CHD2: variants seen among roughly 807,000 people sequenced by gnomAD.
The protein encoded by CHD2 is ATP-dependent chromatin remodeler CHD2.
CHD2 carries 28 observed loss-of-function variants against 243.9 expected under a neutral mutation model. The ratio of observed to expected loss-of-function variants is 0.11; its 90% CI spans 0.09 to 0.16. The LOEUF (loss-of-function observed/expected upper bound fraction) is 0.16, where lower values mean the gene tolerates loss of function less well. Among genes scored for constraint, CHD2 ranks in the 10% least tolerant of loss-of-function variants. The pLI is 1.00. For synonymous variants in CHD2, 775 were observed against 779.0 expected (o/e 0.99, Z 0.09); for missense variants, 1,386 against 2,209.8 (o/e 0.63, Z 7.47).
intron 2 of CHD2, chr15:92,902,552 T>TA (rs2052544088): frequency 5.6e-6 from 1 of 178,110 alleles, no homozygotes. Context: ...TTTATTTGAC[T>TA]GAAAGCATAT....
chr15:92,997,329 C>T lies in CHD2; in HGVS notation c.3811C>T (p.Leu1271=). The T allele has an allele frequency of 6.2e-7, 1 of 1,613,352 alleles. No individual in the cohort carries two copies. The highest frequency in any genetic ancestry group is 8.5e-7 in the Non-Finnish European group (1 of 1,179,764). Reference sequence around the variant, plus strand: ...GGTGGAAGATGATTCTCGCCTGTTGCTGGGGATTTATGAACATGGCTATGG... The same window carrying T: ...GGTGGAAGATGATTCTCGCCTGTTGTTGGGGATTTATGAACATGGCTATGG... ...WGVEDDSRLL[L]GIYEHGYGNW... Residue 1271 remains leucine, a synonymous_variant, in exon 30 of 39, where the codon CTG becomes TTG. Transcript: ENST00000394196. The surrounding 1 kb of genome is among the most constrained non-coding windows in gnomAD (Gnocchi z 4.1).
intron 7 of CHD2, among the ~76,000 whole-genome samples, chr15:92,940,925 T>TAAATATATATA (rs2053364125): frequency 7.2e-6 from 1 of 138,086 alleles, no homozygotes; most frequent in Non-Finnish European, 1.5e-5. Context: ...AATATACATA[T>TAAATATATATA]AAATATATAT....
intron 2 of CHD2, among the ~76,000 whole-genome samples, chr15:92,903,414 A>G (rs2052558345): frequency 1.3e-5 from 2 of 152,236 alleles, no homozygotes; most frequent in Non-Finnish European, 2.9e-5. Context: ...TTACTTTAGT[A>G]TCTGGAAAGA....
At position 92,997,446 on chromosome 15, in the gene CHD2, G is replaced by A. The variant is rs1218910371; in HGVS notation, c.3885+43G>A. 6.7e-7 allele frequency: 1 copy of A among 1,491,686 alleles called. No homozygotes were observed. Among genetic ancestry groups the A allele is most frequent in the East Asian group, 2.3e-5 (1 of 42,686 alleles). 92.4% of individuals were successfully genotyped at this position (1,491,686 alleles called of 1,614,324 possible). On this transcript the variant is annotated intron_variant, in intron 30 of 38. Coordinates refer to ENST00000394196, the MANE Select transcript of CHD2 (RefSeq NM_001271.4). The surrounding 1 kb of genome is among the most constrained non-coding windows in gnomAD (Gnocchi z 4.1). ...GCTAGAGATTTCTAGAAGATTTGTT[G>A]TGTAATATTTTTATATCGATTACTT... is the stretch of plus-strand genomic sequence containing the variant.
At chr15:92,961,329 G>T (rs543600562) in intron 16 of CHD2, among the ~76,000 whole-genome samples, 1 of 152,138 alleles carries the variant, frequency 6.6e-6, no homozygotes, top group East Asian at 1.9e-4. Context: ...GTCTTTCTAA[G>T]AGTTAGTCTG....
intron 37 of CHD2, among the ~76,000 whole-genome samples, chr15:93,018,829 C>T (rs904434446): frequency 2.6e-5 from 4 of 152,188 alleles, no homozygotes; most frequent in Admixed American, 1.3e-4. Flanking sequence ...GGATGCCTGT[C>T]CTGGAATTTG....
chr15:92,967,184 T>G, intron 16 of CHD2, 141 bp from the exon 17 acceptor site: 1 of 595,096 alleles, frequency 1.7e-6, no homozygotes. Context: ...ACTTTTCCCC[T>G]TTTTGTTTTC....
chr15:92,957,938 T>A (rs552173065), intron 16 of CHD2, among the ~76,000 whole-genome samples: 1 of 152,324 alleles, frequency 6.6e-6, no homozygotes, highest in South Asian at 2.1e-4. Context: ...TGTTTCCGGC[T>A]TCCTTCACTT....
chr15:93,009,147 T>G lies in CHD2; in HGVS notation c.4416T>G (p.Cys1472Trp). 1 of 1,613,892 alleles carries G rather than the reference T, an allele frequency of 6.2e-7. No homozygotes were observed. The highest frequency in any genetic ancestry group is 8.5e-7 in the Non-Finnish European group (1 of 1,179,924). The change falls in exon 35 of 39, where the codon TGT becomes TGG. Residue 1472 changes from cysteine (C) to tryptophan (W), a missense_variant and splice_region_variant. Around this residue, in one of 19 missense-constraint regions of CHD2, gnomAD observed 22 missense variants for 60.2 expected, o/e 0.37. Coordinates refer to ENST00000394196, the MANE Select transcript of CHD2 (RefSeq NM_001271.4). ...DDLDQETFSICKERMRPVKKA... is the reference protein window; with the variant it reads ...DDLDQETFSIWKERMRPVKKA... ...TTTACTCTGTTGTCCTGTTGCAGTG[T>G]AAGGAGAGGATGAGGCCCGTGAAAA...
chr15:93,014,429 C>T (rs1246896157), intron 36 of CHD2, among the ~76,000 whole-genome samples: 1 of 152,218 alleles, frequency 6.6e-6, no homozygotes, highest in African/African-American at 2.4e-5. Flanking sequence ...ACACCATACC[C>T]TGTACAGTGA....
intron 34 of CHD2, 140 bp from the exon 35 acceptor site, chr15:93,009,005 T>A: frequency 1.1e-6 from 1 of 892,754 alleles, no homozygotes; most frequent in Non-Finnish European, 1.7e-6. Flanking sequence ...CTTACTCCAC[T>A]GCACTAGCTT....
At chr15:92,916,490 C>G (rs117263209) in intron 2 of CHD2, among the ~76,000 whole-genome samples, 1 of 152,196 alleles carries the variant, frequency 6.6e-6, no homozygotes, top group Non-Finnish European at 1.5e-5. Context: ...TTATTTGCCT[C>G]GTCCTATACA....
chr15:93,005,519 C>T (rs763794138), intron 34 of CHD2, among the ~76,000 whole-genome samples: 3 of 152,020 alleles, frequency 2.0e-5, no homozygotes, highest in South Asian at 4.2e-4. Flanking sequence ...ATTAATCAAA[C>T]GGCTCATTCA....
intron 33 of CHD2, among the ~76,000 whole-genome samples, chr15:93,003,488 A>G (rs544265203): frequency 1.7e-3 from 263 of 152,192 alleles, no homozygotes; most frequent in African/African-American, 6.1e-3. Flanking sequence ...TAAAAAAATA[A>G]AAAAAGAGCA....
At chr15:92,917,803 ACT>A (rs1453814968) in intron 2 of CHD2, among the ~76,000 whole-genome samples, 1 of 152,064 alleles carries the variant, frequency 6.6e-6, no homozygotes, top group African/African-American at 2.4e-5. Flanking sequence ...ACACACACAC[ACT>A]CTTGGGCTTT....
At chr15:93,005,716 T>C (rs1206732786) in intron 34 of CHD2, among the ~76,000 whole-genome samples, 1 of 152,194 alleles carries the variant, frequency 6.6e-6, no homozygotes, top group African/African-American at 2.4e-5. Context: ...AAGTCTCTTT[T>C]TTGCCTGTGA....
At chr15:93,006,606 T>C (rs2054325485) in intron 34 of CHD2, among the ~76,000 whole-genome samples, 1 of 152,236 alleles carries the variant, frequency 6.6e-6, no homozygotes, top group Admixed American at 6.5e-5. Context: ...TGAGGTACGT[T>C]AGTGTTTCCA....
chr15:92,917,064 G>T (rs145461722), intron 2 of CHD2, among the ~76,000 whole-genome samples: 34 of 152,188 alleles, frequency 2.2e-4, no homozygotes, highest in South Asian at 1.0e-3. Context: ...TTTTTGGTTG[G>T]ATTTTTGATA....
intron 5 of CHD2, among the ~76,000 whole-genome samples, chr15:92,931,869 T>TC (rs1596385424): frequency 1.3e-5 from 2 of 150,458 alleles, no homozygotes; most frequent in East Asian, 3.9e-4. Context: ...CGTACTTTTT[T>TC]TTTTTTTTTT....
Sources: gnomAD v4.1 joint callset for allele counts (sites outside exome capture counted in the v4.1 genomes callset) on GRCh38, gnomAD v4.1.1 for gene constraint, gnomAD v4.1.1 regional missense constraint, Gnocchi (gnomAD v3.1) non-coding constraint, MANE v1.5 for transcripts, NCBI Gene and HGNC (gene_info 2026-07-23, HGNC 2026-07-21) for gene names.